Variants in TANC1 observed in about 807,000 individuals in gnomAD.
TANC1 encodes protein TANC1.
TANC1 carries 77 observed loss-of-function variants against 149.7 expected under a neutral mutation model. The observed-to-expected ratio is 0.51, with a 90% confidence interval of 0.43 to 0.62. The LOEUF (loss-of-function observed/expected upper bound fraction) is 0.62, where lower values mean the gene tolerates loss of function less well. Ranked by LOEUF, TANC1 falls within the 20% of genes least tolerant of loss-of-function variation. The pLI is 0.00. For missense variants in TANC1, 1,985 were observed against 2,321.8 expected (o/e 0.85, Z 2.98); for synonymous variants, 854 against 925.0 (o/e 0.92, Z 1.39).
chr2:159,126,250 C>T (rs2049442702), intron 4 of TANC1, among the ~76,000 whole-genome samples: 1 of 152,164 alleles, frequency 6.6e-6, no homozygotes, highest in Non-Finnish European at 1.5e-5. Context: ...AGGCAGAATT[C>T]AGGTTTTCCT....
chr2:158,980,681 AG>A (rs1318888355), intron 1 of TANC1, among the ~76,000 whole-genome samples: 1 of 151,662 alleles, frequency 6.6e-6, no homozygotes, highest in Non-Finnish European at 1.5e-5. Context: ...AGGCTGAGGC[AG>A]GAGAATGGCG....
chr2:158,986,618 A>T (rs1213629167), intron 1 of TANC1, among the ~76,000 whole-genome samples: 3 of 152,162 alleles, frequency 2.0e-5, no homozygotes, highest in Non-Finnish European at 4.4e-5. Context: ...CTGGGTTGAG[A>T]GTGAGACAGG....
chr2:159,020,798 C>T (rs956945798), intron 2 of TANC1, among the ~76,000 whole-genome samples: 4 of 151,908 alleles, frequency 2.6e-5, no homozygotes, highest in African/African-American at 9.7e-5. Context: ...CCAGAACCCT[C>T]TGGACACACA....
At chr2:159,204,260 C>A (rs1376591704) in intron 19 of TANC1, among the ~76,000 whole-genome samples, 1 of 152,042 alleles carries the variant, frequency 6.6e-6, no homozygotes, top group East Asian at 1.9e-4. Flanking sequence ...GGAGAAATAC[C>A]TGTGGTTGGA....
At chr2:158,993,633 A>T (rs1435081299) in intron 1 of TANC1, among the ~76,000 whole-genome samples, 1 of 152,108 alleles carries the variant, frequency 6.6e-6, no homozygotes, top group African/African-American at 2.4e-5. Flanking sequence ...TTCAACTCTT[A>T]AATTTTTTTG....
At chr2:159,041,741 G>A (rs2040654468) in intron 2 of TANC1, among the ~76,000 whole-genome samples, 1 of 152,190 alleles carries the variant, frequency 6.6e-6, no homozygotes, top group Admixed American at 6.5e-5. Flanking sequence ...TGTACTTCCT[G>A]GGTGAGGTGA....
At chr2:159,227,754 G>T in intron 24 of TANC1, 65 bp from the exon 25 acceptor site, 12 of 1,554,450 alleles carry the variant, frequency 7.7e-6, no homozygotes, top group Non-Finnish European at 1.1e-5. Flanking sequence ...GGTGTTCCAG[G>T]TGTGGGAGTT....
chr2:159,042,977 G>T (rs7582141), intron 2 of TANC1, among the ~76,000 whole-genome samples: 18,066 of 152,100 alleles, frequency 0.12, 1,930 homozygotes, highest in African/African-American at 0.28. Flanking sequence ...CACATAAACA[G>T]AAAACCTGAG....
Position 159,229,971 on chromosome 2 carries a change from A to C in TANC1, c.4545A>C (p.Arg1515Ser). 6.2e-7 allele frequency: 1 copy of C among 1,614,078 alleles called. No individual in the cohort carries two copies. Among genetic ancestry groups the C allele is most frequent in the Non-Finnish European group, 8.5e-7 (1 of 1,180,050 alleles). ...GGGCAGGAATCGGCAAGTCCCTGAG[A>C]GAGCCTGTGGCCCAGCCAGGGCTGC... ...QSRAGIGKSL[R>S]EPVAQPGLLL... Residue 1515 changes from arginine to serine, a missense_variant, in exon 27 of 27, where the codon AGA becomes AGC. This residue lies in a region of TANC1 where 920 missense variants were observed against 994.7 expected (regional missense o/e 0.92). Coordinates refer to ENST00000263635, the MANE Select transcript of TANC1 (RefSeq NM_033394.3).
At chr2:159,075,478 A>G (rs1231634193) in intron 3 of TANC1, among the ~76,000 whole-genome samples, 1 of 151,780 alleles carries the variant, frequency 6.6e-6, no homozygotes, top group African/African-American at 2.4e-5. Context: ...TAGGAGGCTG[A>G]TGTGGGAGGA....
intron 3 of TANC1, among the ~76,000 whole-genome samples, chr2:159,095,641 C>G (rs1414140260): frequency 1.4e-5 from 2 of 146,708 alleles, no homozygotes; most frequent in African/African-American, 5.1e-5. Context: ...GAGGCTGAAG[C>G]AGGAGAATCG....
chr2:159,180,241 A>G (rs774547167), intron 14 of TANC1, among the ~76,000 whole-genome samples: 5 of 152,210 alleles, frequency 3.3e-5, no homozygotes, highest in African/African-American at 4.8e-5. Flanking sequence ...ACTAACATCC[A>G]GGTTATTTAG....
chr2:159,122,772 T>C (rs1427769339), intron 4 of TANC1, among the ~76,000 whole-genome samples: 1 of 151,884 alleles, frequency 6.6e-6, no homozygotes, highest in African/African-American at 2.4e-5. Context: ...TCTTCTTTTT[T>C]TTTTTTTGCA....
chr2:158,981,461 TTA>T (rs1363252294), intron 1 of TANC1, among the ~76,000 whole-genome samples: 1 of 124,624 alleles, frequency 8.0e-6, no homozygotes, highest in African/African-American at 2.9e-5. Context: ...GACCCTATCT[TTA>T]AAAAGTTTAG....
intron 2 of TANC1, among the ~76,000 whole-genome samples, chr2:159,002,529 AAATT>A (rs143940304): frequency 0.053 from 8,025 of 152,238 alleles, 655 homozygotes; most frequent in African/African-American, 0.18. Context: ...ATGAGGAAAT[AAATT>A]TTATCTGACT....
chr2:158,988,158 T>C (rs2035220677), intron 1 of TANC1, among the ~76,000 whole-genome samples: 2 of 151,474 alleles, frequency 1.3e-5, no homozygotes, highest in South Asian at 2.1e-4. Flanking sequence ...CCCCCGTCTC[T>C]ATTAAAAAGT....
chr2:159,022,098 T>A (rs2038875645), intron 2 of TANC1, among the ~76,000 whole-genome samples: 1 of 152,238 alleles, frequency 6.6e-6, no homozygotes, highest in African/African-American at 2.4e-5. Context: ...GTAACTTTAC[T>A]CGTTCCCAAC....
intron 2 of TANC1, among the ~76,000 whole-genome samples, chr2:159,004,749 T>C (rs1212585781): frequency 6.6e-6 from 1 of 151,920 alleles, no homozygotes; most frequent in African/African-American, 2.4e-5. Flanking sequence ...AAAACCAATA[T>C]TTGCCGAGAC....
chr2:158,988,834 C>T (rs918680901), intron 1 of TANC1, among the ~76,000 whole-genome samples: 2 of 152,200 alleles, frequency 1.3e-5, no homozygotes, highest in African/African-American at 4.8e-5. Flanking sequence ...GGCAGGTCGA[C>T]TGGACCCCTG....
Sources: gnomAD v4.1 joint callset for allele counts (sites outside exome capture counted in the v4.1 genomes callset) on GRCh38, gnomAD v4.1.1 for gene constraint, gnomAD v4.1.1 regional missense constraint, MANE v1.5 for transcripts, NCBI Gene and HGNC (gene_info 2026-07-23, HGNC 2026-07-21) for gene names.